ZNHIT3: variants seen among roughly 807,000 people sequenced by gnomAD.
ZNHIT3 encodes the protein zinc finger HIT-type containing 3.
ZNHIT3 carries 27 observed loss-of-function variants against 19.9 expected under a neutral mutation model. That is an observed-to-expected ratio of 1.36 (90% CI 1.00 to 1.87). The LOEUF (loss-of-function observed/expected upper bound fraction) is 1.87. Ranked by LOEUF, ZNHIT3 falls within the 40% of genes most tolerant of loss-of-function variation. ZNHIT3 has a pLI of 0.00. For synonymous variants in ZNHIT3, 81 were observed against 65.7 expected, an observed-to-expected ratio of 1.23 and a Z score of -1.13; for missense variants, 215 against 185.6, an observed-to-expected ratio of 1.16 and a Z score of -0.92.
chr17:36,495,200 CTTTT>C lies in ZNHIT3; in HGVS notation c.287-19_287-16del. 1 of 1,547,490 alleles carries C rather than the reference CTTTT, an allele frequency of 6.5e-7. No homozygotes were observed. The highest frequency in any genetic ancestry group is 8.7e-7 in the Non-Finnish European group (1 of 1,150,768). On this transcript the variant is annotated intron_variant, in intron 4 of 4. Coordinates refer to ENST00000617429, the MANE Select transcript of ZNHIT3 (RefSeq NM_004773.4). ...GTGTTTCCACTTGAACTCAGACTGG[CTTTT>C]TTTCTTGTTAATTTTTAGGGGAATC...
downstream of ZNHIT3, chr17:36,498,795 G>T: frequency 1.7e-6 from 1 of 596,514 alleles, no homozygotes; most frequent in Non-Finnish European, 3.0e-6. Flanking sequence ...AGTCCATCAA[G>T]ATATAACTGA....
At chr17:36,498,855 A>C (rs569482734), downstream of ZNHIT3, 1 of 593,000 alleles carries the variant, frequency 1.7e-6, no homozygotes. Flanking sequence ...AGTTTGGTAT[A>C]TTCCCAGAGT....
downstream of ZNHIT3, chr17:36,496,505 G>C: frequency 1.8e-6 from 2 of 1,126,696 alleles, no homozygotes; most frequent in Non-Finnish European, 2.6e-6. Context: ...AGAAGGTATG[G>C]ACAAGTACTA....
At chr17:36,495,842 G>GAAAT (rs1394290229), downstream of ZNHIT3, 2 of 1,240,614 alleles carry the variant, frequency 1.6e-6, no homozygotes, top group African/African-American at 3.1e-5. Context: ...CTTTTTAAAG[G>GAAAT]AAATAACCAC....
chr17:36,486,915 T>C lies in ZNHIT3; in HGVS notation c.87-20T>C. On this transcript the variant is annotated intron_variant, in intron 1 of 4. Coordinates refer to ENST00000617429, the MANE Select transcript of ZNHIT3 (RefSeq NM_004773.4). ...GGGGACCCTCGGGGCTGACGCGGCCTGTGGCCTCTGTTGTTACAGCTGCTC... is the reference window on the plus strand; with the variant it reads ...GGGGACCCTCGGGGCTGACGCGGCCCGTGGCCTCTGTTGTTACAGCTGCTC... The C allele has an allele frequency of 6.2e-7, 1 of 1,606,622 alleles. No homozygotes were observed. The highest frequency in any genetic ancestry group is 8.5e-7 in the Non-Finnish European group (1 of 1,178,022).
downstream of ZNHIT3, chr17:36,496,100 C>T (rs545420663): frequency 5.5e-6 from 6 of 1,088,196 alleles, no homozygotes; most frequent in South Asian, 7.5e-5. Flanking sequence ...ACGCACTGGG[C>T]ACGGGGCTCT....
At chr17:36,487,752 C>G (rs2070611588) in intron 2 of ZNHIT3, among the ~76,000 whole-genome samples, 1 of 150,940 alleles carries the variant, frequency 6.6e-6, no homozygotes. Context: ...AATCGCACCA[C>G]TGCACTCCAG....
chr17:36,492,983 G>A (rs1268597474), intron 3 of ZNHIT3, 84 bp downstream of exon 3: 1 of 1,284,886 alleles, frequency 7.8e-7, no homozygotes, highest in Non-Finnish European at 1.1e-6. Flanking sequence ...GGCTGGTCAG[G>A]GAATCCAGAA....
chr17:36,497,458 CCT>C, downstream of ZNHIT3: 1 of 847,848 alleles, frequency 1.2e-6, no homozygotes, highest in Non-Finnish European at 1.4e-6. Context: ...GTAACAAACT[CCT>C]CACAACCCAA....
intron 2 of ZNHIT3, chr17:36,490,431 C>T (rs1477866425): frequency 6.6e-6 from 1 of 152,082 alleles, no homozygotes; most frequent in East Asian, 1.9e-4. Context: ...CTATTCTGTT[C>T]CATTGATCTA....
chr17:36,486,902 G>A (rs1415793512), intron 1 of ZNHIT3, 33 bp from the exon 2 acceptor site: 1 of 1,601,318 alleles, frequency 6.2e-7, no homozygotes, highest in Admixed American at 1.7e-5. Context: ...GGACCCTCGG[G>A]GCTGACGCGG....
At chr17:36,488,779 G>A (rs1026790030) in intron 2 of ZNHIT3, among the ~76,000 whole-genome samples, 1 of 152,168 alleles carries the variant, frequency 6.6e-6, no homozygotes, top group Non-Finnish European at 1.5e-5. Flanking sequence ...GATCAAATTA[G>A]GGTAATTAGC....
chr17:36,495,117 A>G (rs990406498), intron 4 of ZNHIT3, 106 bp from the exon 5 acceptor site: 7 of 1,392,886 alleles, frequency 5.0e-6, no homozygotes, highest in Non-Finnish European at 5.8e-6. Context: ...GAGCCACCAC[A>G]CCTTGCTGAT....
At chr17:36,488,360 CATT>C (rs1019683843) in intron 2 of ZNHIT3, among the ~76,000 whole-genome samples, 15 of 152,154 alleles carry the variant, frequency 9.9e-5, no homozygotes, top group Admixed American at 3.3e-4. Context: ...GCCTGGCCAA[CATT>C]ATGAAACCAC....
downstream of ZNHIT3, chr17:36,497,511 T>C: frequency 1.0e-6 from 1 of 984,566 alleles, no homozygotes; most frequent in Non-Finnish European, 1.2e-6. Flanking sequence ...CTCTCAAGTC[T>C]TGGGTAGTTT....
At chr17:36,494,114 C>T in intron 4 of ZNHIT3, 108 bp downstream of exon 4, 1 of 760,072 alleles carries the variant, frequency 1.3e-6, no homozygotes, top group East Asian at 2.6e-5. Flanking sequence ...GCATGTAGGG[C>T]TCTTACTATC....
downstream of ZNHIT3, chr17:36,496,413 G>C (rs79844016): frequency 2.6e-4 from 422 of 1,613,784 alleles, no homozygotes; most frequent in African/African-American, 5.3e-3. Flanking sequence ...ATCCCTAGAG[G>C]GGAGAGAGAG....
intron 2 of ZNHIT3, 52 bp from the exon 3 acceptor site, chr17:36,492,761 C>A: frequency 6.5e-7 from 1 of 1,542,590 alleles, no homozygotes; most frequent in Non-Finnish European, 8.9e-7. Context: ...GGAGGTGCAG[C>A]CTTGTCGCTG....
chr17:36,492,952 C>CGAGAG (rs2070761583), intron 3 of ZNHIT3, 53 bp downstream of exon 3: 1 of 1,552,720 alleles, frequency 6.4e-7, no homozygotes, highest in Admixed American at 1.7e-5. Context: ...TAGAATAAGT[C>CGAGAG]GAAGGAAAAG....
Sources: gnomAD v4.1 joint callset for allele counts (sites outside exome capture counted in the v4.1 genomes callset) on GRCh38, gnomAD v4.1.1 for gene constraint, MANE v1.5 for transcripts, NCBI Gene and HGNC (gene_info 2026-07-23, HGNC 2026-07-21) for gene names.